The following BRD7 variants were observed in gnomAD, a reference collection of about 807,000 sequenced individuals.
BRD7 encodes bromodomain-containing protein 7.
Under a neutral mutation model 82.1 loss-of-function variants are expected in BRD7, and 15 were observed. The ratio of observed to expected loss-of-function variants is 0.18; its 90% CI spans 0.12 to 0.28. BRD7 has a LOEUF of 0.28. BRD7 is among the 10% of genes least tolerant of loss of function. BRD7 has a pLI of 1.00. For synonymous variants in BRD7, 232 were observed against 266.9 expected (o/e 0.87, Z 1.27); for missense variants, 638 against 779.9 (o/e 0.82, Z 2.17).
At chr16:50,320,530 T>C (rs1284856320) in intron 14 of BRD7, 133 bp downstream of exon 14, 14 of 1,400,496 alleles carry the variant, frequency 1.0e-5, no homozygotes, top group South Asian at 1.2e-5. Flanking sequence ...CAACACGCCA[T>C]ACCCATTCAT....
At chr16:50,334,944 A>C in intron 6 of BRD7, 49 bp from the exon 7 acceptor site, 1 of 1,554,714 alleles carries the variant, frequency 6.4e-7, no homozygotes, top group Non-Finnish European at 8.7e-7. Context: ...ATTAACTTTT[A>C]AAGTAATGCA....
intron 5 of BRD7, among the ~76,000 whole-genome samples, chr16:50,344,532 G>A (rs539045226): frequency 7.2e-5 from 11 of 152,268 alleles, no homozygotes; most frequent in Admixed American, 2.0e-4. Context: ...AAGATTAGAC[G>A]AATGGCTAAC....
intron 5 of BRD7, among the ~76,000 whole-genome samples, chr16:50,344,601 C>G (rs956364371): frequency 1.3e-5 from 2 of 152,066 alleles, no homozygotes; most frequent in Non-Finnish European, 2.9e-5. Flanking sequence ...AATCATGGCA[C>G]GAGGACTACG....
In BRD7 at chr16:50,330,965, G is replaced by T. The variant is rs1469080674; in HGVS notation, c.1012-2221C>A. ...CAATTCTATATACATAGTATATAAA[G>T]AAAAATGTATTTTTGGTAAAGATAC... On this transcript the variant is annotated intron_variant, in intron 8 of 16. Transcript: ENST00000394688. 2.6e-5 allele frequency among the ~76,000 whole-genome samples: 4 copies of T among 151,840 alleles called. No homozygotes were observed. The South Asian group carries it at 6.3e-4, about 24-fold the overall frequency.
rs35799832 is a variant in BRD7 at position 50,368,282 on chromosome 16, G to A, written c.66C>T (p.Pro22=). 1 of 1,614,112 alleles carries A rather than the reference G, an allele frequency of 6.2e-7. No individual in the cohort carries two copies. The highest frequency in any genetic ancestry group is 2.2e-5 in the East Asian group (1 of 44,870). The change falls in exon 2 of 17, where the codon CCC becomes CCT. Residue 22 remains proline, a synonymous_variant. Transcript: ENST00000394688. ...CTCCTACTTTGAGGACCAGCTTCAA[G>A]GGCTTCTCTACATACTCTTAAAAAA... The part of the protein sequence containing the change: ...KHLYEEYVEK[P]LKLVLKVGGN...
At position 50,334,610 on chromosome 16, in the gene BRD7, A is replaced by G. The variant is rs75973214; in HGVS notation, c.887+101T>C. 3.1e-3 allele frequency: 4,267 copies of G among 1,387,546 alleles called. 104 individuals carry two copies. In the African/African-American group the frequency reaches 0.054, roughly 18 times the overall value. 86.0% of individuals were successfully genotyped at this position (1,387,546 alleles called of 1,614,324 possible). The stretch of plus-strand genomic sequence containing the variant: ...GCCAAAACACCACCACCACCGACAC[A>G]CTAGCACTTGGTCTTCCCAAGTCAG... On this transcript the variant is annotated intron_variant, in intron 7 of 16. Coordinates refer to ENST00000394688, the MANE Select transcript of BRD7 (RefSeq NM_013263.5).
chr16:50,334,646 AG>A (rs2037716488), intron 7 of BRD7, 64 bp downstream of exon 7: 2 of 1,558,442 alleles, frequency 1.3e-6, no homozygotes, highest in African/African-American at 2.7e-5. Context: ...GCCCCGAATA[AG>A]TATTTTTCCC....
intron 6 of BRD7, among the ~76,000 whole-genome samples, chr16:50,336,582 A>C (rs904199524): frequency 6.6e-6 from 1 of 152,220 alleles, no homozygotes. Context: ...AACAAAAAAC[A>C]AAAAACACAA....
chr16:50,319,119 C>A lies in BRD7; in HGVS notation c.*92G>T. 1 of 1,252,400 alleles carries A rather than the reference C, an allele frequency of 8.0e-7. No homozygotes were observed. The highest frequency in any genetic ancestry group is 2.3e-5 in the Admixed American group (1 of 44,436). The allele number at this position is 1,252,400 out of a possible 1,614,324, so 77.6% of individuals were successfully genotyped here. A position where few individuals can be genotyped will look rare whatever the true frequency, so the allele number is the denominator to read the frequency against. On this transcript the variant is annotated 3_prime_UTR_variant, in exon 17 of 17. Transcript: ENST00000394688. ...CTGTTCCAAAGTTTAATTAAAAACA[C>A]AATTTACAAATATTTAATATCTTCT...
At chr16:50,363,660 T>TGTGTGC (rs138025982) in intron 2 of BRD7, among the ~76,000 whole-genome samples, 19,873 of 102,180 alleles carry the variant, frequency 0.19, 1,686 homozygotes, top group African/African-American at 0.26. Flanking sequence ...TGTGTGTGTG[T>TGTGTGC]GCGCGCGCGC....
At position 50,319,876 on chromosome 16, in the gene BRD7, A is replaced by G; in HGVS notation, c.1900+11T>C. 1 of 1,608,128 alleles carries G rather than the reference A, an allele frequency of 6.2e-7. No homozygotes were observed. The highest frequency in any genetic ancestry group is 8.5e-7 in the Non-Finnish European group (1 of 1,178,564). ...AGCTTTCTGCTTTCCCAGAGAAAAC[A>G]GGGCACGTACCTTCTGTCAAATCCA... On this transcript the variant is annotated intron_variant, in intron 16 of 16. Coordinates refer to ENST00000394688, the MANE Select transcript of BRD7 (RefSeq NM_013263.5).
At chr16:50,333,537 C>A in intron 8 of BRD7, 37 bp downstream of exon 8, 9 of 1,598,034 alleles carry the variant, frequency 5.6e-6, no homozygotes, top group Non-Finnish European at 7.7e-6. Flanking sequence ...TGCCCCAAAT[C>A]AGTAGGTAGA....
chr16:50,321,577 A>AG (rs2037112889), intron 13 of BRD7, among the ~76,000 whole-genome samples: 1 of 150,090 alleles, frequency 6.7e-6, no homozygotes, highest in African/African-American at 2.5e-5. Context: ...AAAAAAAAAA[A>AG]AAAAAAAAAA....
At chr16:50,319,729 A>AAT (rs1164816382) in intron 16 of BRD7, among the ~76,000 whole-genome samples, 158 bp downstream of exon 16, 4 of 152,212 alleles carry the variant, frequency 2.6e-5, no homozygotes, top group Non-Finnish European at 4.4e-5. Context: ...GGTATAGGCA[A>AAT]ATACCTTTTA....
At chr16:50,325,641 C>A in intron 11 of BRD7, 107 bp downstream of exon 11, 1 of 1,047,612 alleles carries the variant, frequency 9.5e-7, no homozygotes, top group East Asian at 2.7e-5. Context: ...AATTACTGAG[C>A]ACATTTTTTT....
chr16:50,326,164 G>A, intron 10 of BRD7, 120 bp downstream of exon 10: 2 of 807,642 alleles, frequency 2.5e-6, no homozygotes, highest in Non-Finnish European at 4.0e-6. Context: ...GCTAATTAAT[G>A]TTGCAAAAAT....
At chr16:50,342,040 G>A (rs1178316449) in intron 5 of BRD7, among the ~76,000 whole-genome samples, 6 of 151,170 alleles carry the variant, frequency 4.0e-5, no homozygotes, top group Non-Finnish European at 7.4e-5. Context: ...GAAAAAAGTG[G>A]CAACGTAGAA....
At chr16:50,349,576 A>G in intron 5 of BRD7, 1 of 470,268 alleles carries the variant, frequency 2.1e-6, no homozygotes, top group Non-Finnish European at 4.4e-6. Context: ...TGGAACTGTG[A>G]GTTAATCAAA....
At position 50,325,854 on chromosome 16, in the gene BRD7, A is replaced by AACT; in HGVS notation, c.1222_1224dup (p.Ser409dup). The AACT allele has an allele frequency of 6.2e-7, 1 of 1,609,374 alleles. No homozygotes were observed. The stretch of plus-strand genomic sequence containing the variant: ...GTGGAGTCATAATGCGGTGCATAAG[A>AACT]ACTGTAGGGCCCATAATTCAAATAT... On this transcript the variant is annotated inframe_insertion, in exon 11 of 17. Coordinates refer to ENST00000394688, the MANE Select transcript of BRD7 (RefSeq NM_013263.5).
Sources: allele counts gnomAD v4.1 joint callset (sites outside exome capture counted in the v4.1 genomes callset), GRCh38; gene constraint gnomAD v4.1.1; transcripts MANE v1.5; gene names NCBI Gene and HGNC (gene_info 2026-07-23, HGNC 2026-07-21).